The following OGFOD3 variants were observed in gnomAD, a reference collection of about 807,000 sequenced individuals.
The protein encoded by OGFOD3 is 2-oxoglutarate and iron-dependent oxygenase domain-containing protein 3.
In OGFOD3, 35 loss-of-function variants were observed where a neutral mutation model predicts 39.8. The observed-to-expected ratio is 0.88, with a 90% confidence interval of 0.67 to 1.17. The LOEUF (loss-of-function observed/expected upper bound fraction) is 1.17, where lower values mean the gene tolerates loss of function less well. Among genes scored for constraint, OGFOD3 ranks in the 50% most tolerant of loss-of-function variants. OGFOD3 has a pLI of 0.00. For missense variants in OGFOD3, 438 were observed against 454.5 expected (o/e 0.96, Z 0.33); for synonymous variants, 200 against 192.0 (o/e 1.04, Z -0.34).
At position 82,403,933 on chromosome 17, in the gene OGFOD3, T is replaced by C; in HGVS notation, c.699+4A>G. 6.2e-7 allele frequency: 1 copy of C among 1,600,422 alleles called. No homozygotes were observed. Among genetic ancestry groups the C allele is most frequent in the East Asian group, 2.2e-5 (1 of 44,492 alleles). ...ACGCTCACCCTGCCCACGGGCGCGC[T>C]CACCTTGTCCACGTGCGCATGCCAG... On this transcript the variant is annotated splice_donor_region_variant and intron_variant, in intron 7 of 8. Coordinates refer to ENST00000313056, the MANE Select transcript of OGFOD3 (RefSeq NM_024648.3).
At chr17:82,416,817 T>A (rs531477055) in intron 1 of OGFOD3, among the ~76,000 whole-genome samples, 14 of 152,018 alleles carry the variant, frequency 9.2e-5, no homozygotes, top group Non-Finnish European at 1.3e-4. Context: ...ATTACAGGCG[T>A]GCACCACCAC....
In OGFOD3 at chr17:82,392,540, A is replaced by G; in HGVS notation, c.824-6T>C. The G allele has an allele frequency of 6.3e-7, 1 of 1,577,396 alleles. No individual in the cohort carries two copies. The highest frequency in any genetic ancestry group is 8.6e-7 in the Non-Finnish European group (1 of 1,161,982). ...GGTGAAGAAGGAGACGCGACCTGGGAGAGGAGAAGAGAGAGAGGTGGCCAT... is the reference window on the plus strand; with the variant it reads ...GGTGAAGAAGGAGACGCGACCTGGGGGAGGAGAAGAGAGAGAGGTGGCCAT... On this transcript the variant is annotated splice_polypyrimidine_tract_variant and splice_region_variant and intron_variant, in intron 8 of 8. Coordinates refer to ENST00000313056, the MANE Select transcript of OGFOD3 (RefSeq NM_024648.3). This position sits in a 1 kb window ranked among gnomAD's most constrained non-coding sequence, Gnocchi z 4.2.
chr17:82,404,018 G>A lies in OGFOD3; in HGVS notation c.618C>T (p.Thr206=), dbSNP rs2052811674. The A allele has an allele frequency of 6.2e-7, 1 of 1,611,080 alleles. No individual in the cohort carries two copies. The highest frequency in any genetic ancestry group is 1.3e-5 in the African/African-American group (1 of 74,918). Residue 206 remains threonine, a synonymous_variant, in exon 7 of 9, where the codon ACC becomes ACT. Transcript: ENST00000313056. The surrounding 1 kb of genome is among the most constrained non-coding windows in gnomAD (Gnocchi z 4.5). ...TTATGCGGGAGAAGAAGGTGGGCTT[G>A]GTCAGATGCAGCGAGGATGCGCTGA... ...FGISASSLHL[T]KPTFFSRINS... is the part of the protein sequence containing the mutation.
chr17:82,407,110 G>T (rs12600893), intron 4 of OGFOD3, among the ~76,000 whole-genome samples: 1 of 151,764 alleles, frequency 6.6e-6, no homozygotes, highest in Non-Finnish European at 1.5e-5. Context: ...GCTGTAGCTG[G>T]GACACCTACA....
chr17:82,399,696 G>A (rs777240716), intron 7 of OGFOD3, among the ~76,000 whole-genome samples: 2 of 152,174 alleles, frequency 1.3e-5, no homozygotes, highest in Admixed American at 6.5e-5. Context: ...GGGTCCCCAC[G>A]GACGTGGGAT....
rs2053022730 is a variant in OGFOD3 at position 82,415,725 on chromosome 17, ACT to A, written c.75-100_75-99del. 9.3e-7 allele frequency: 1 copy of A among 1,073,306 alleles called. No individual in the cohort carries two copies. The highest frequency in any genetic ancestry group is 2.5e-5 in the Admixed American group (1 of 39,896). The allele number at this position is 1,073,306 out of a possible 1,614,324, so 66.5% of individuals were successfully genotyped here. Reference sequence around the variant, plus strand: ...GTGCATGCACCATGACCCGGCCTTCACTCACACGTCACCCCTGAAACGAGGGC... The same window carrying A: ...GTGCATGCACCATGACCCGGCCTTCACACACGTCACCCCTGAAACGAGGGC... On this transcript the variant is annotated intron_variant, in intron 1 of 8. Coordinates refer to ENST00000313056, the MANE Select transcript of OGFOD3 (RefSeq NM_024648.3). The surrounding 1 kb of genome is among the most constrained non-coding windows in gnomAD (Gnocchi z 5.3).
chr17:82,414,181 G>C (rs776197757), intron 2 of OGFOD3, among the ~76,000 whole-genome samples: 6 of 152,074 alleles, frequency 3.9e-5, no homozygotes, highest in Non-Finnish European at 8.8e-5. Context: ...AGGCTGGAGT[G>C]CGGTGGCACA....
chr17:82,416,679 T>A (rs989294898), intron 1 of OGFOD3, among the ~76,000 whole-genome samples: 45 of 151,778 alleles, frequency 3.0e-4, no homozygotes, highest in East Asian at 3.9e-4. Flanking sequence ...ATTTATTATT[T>A]TTTTTTTTGA....
intron 2 of OGFOD3, among the ~76,000 whole-genome samples, chr17:82,411,947 G>GA (rs1192379681): frequency 6.6e-6 from 1 of 151,910 alleles, no homozygotes; most frequent in Non-Finnish European, 1.5e-5. Context: ...GACCACCAGG[G>GA]AGGAAAACCC....
intron 4 of OGFOD3, among the ~76,000 whole-genome samples, chr17:82,408,511 A>G (rs551411138): frequency 1.3e-5 from 2 of 152,320 alleles, no homozygotes; most frequent in African/African-American, 4.8e-5. Context: ...CGGCTGTGGT[A>G]ACACAAACTG....
intron 7 of OGFOD3, among the ~76,000 whole-genome samples, chr17:82,402,694 C>G (rs1188922733): frequency 6.6e-6 from 1 of 151,882 alleles, no homozygotes; most frequent in African/African-American, 2.4e-5. Flanking sequence ...TTGCAGTGAG[C>G]TGAAATCGCA....
intron 7 of OGFOD3, chr17:82,401,144 CTTTTTT>C (rs10711493): frequency 7.7e-6 from 1 of 130,620 alleles, no homozygotes; most frequent in Non-Finnish European, 1.6e-5. Flanking sequence ...TTGGGTTTAC[CTTTTTT>C]TTTTTTTTTT....
intron 8 of OGFOD3, chr17:82,393,271 C>T (rs909170829): frequency 6.6e-6 from 1 of 152,272 alleles, no homozygotes; most frequent in Non-Finnish European, 1.5e-5. Flanking sequence ...CCGGGCTCCC[C>T]CACGTGGCTC....
intron 2 of OGFOD3, among the ~76,000 whole-genome samples, chr17:82,412,580 G>T (rs2052967997): frequency 6.7e-6 from 1 of 148,266 alleles, no homozygotes; most frequent in South Asian, 2.1e-4. Flanking sequence ...GGTGTTTGGG[G>T]CAGGGGCAGG....
chr17:82,413,622 G>A (rs1246230761), intron 2 of OGFOD3, among the ~76,000 whole-genome samples: 3 of 151,970 alleles, frequency 2.0e-5, no homozygotes, highest in African/African-American at 7.3e-5. Context: ...GTAACCCCAG[G>A]GCCTTAGGAG....
At chr17:82,399,000 G>GT (rs2052722188) in intron 7 of OGFOD3, among the ~76,000 whole-genome samples, 1 of 138,030 alleles carries the variant, frequency 7.2e-6, no homozygotes, top group African/African-American at 2.7e-5. Context: ...TGTAGAGGTT[G>GT]GGGCGGGGTG....
At chr17:82,417,279 C>A (rs1420537097) in intron 1 of OGFOD3, 1 of 152,166 alleles carries the variant, frequency 6.6e-6, no homozygotes, top group Non-Finnish European at 1.5e-5. Context: ...GTGTCACCAA[C>A]GTTGGTATAC....
intron 1 of OGFOD3, among the ~76,000 whole-genome samples, chr17:82,416,456 G>A (rs2053039054): frequency 1.3e-5 from 2 of 152,058 alleles, no homozygotes; most frequent in Admixed American, 1.3e-4. Flanking sequence ...CCAGGGTGGG[G>A]CGGAGGTGAG....
At chr17:82,409,576 A>T (rs1325762918) in intron 3 of OGFOD3, among the ~76,000 whole-genome samples, 166 bp from the exon 4 acceptor site, 1 of 152,252 alleles carries the variant, frequency 6.6e-6, no homozygotes, top group Non-Finnish European at 1.5e-5. Flanking sequence ...TTCAAAGTTC[A>T]GTGCGTAAGC....
Sources: gnomAD v4.1 joint callset for allele counts (sites outside exome capture counted in the v4.1 genomes callset) on GRCh38, gnomAD v4.1.1 for gene constraint, Gnocchi (gnomAD v3.1) non-coding constraint, MANE v1.5 for transcripts, NCBI Gene and HGNC (gene_info 2026-07-23, HGNC 2026-07-21) for gene names.